The following LRRC31 variants were observed in gnomAD, a reference collection of about 807,000 sequenced individuals.
LRRC31 encodes leucine-rich repeat-containing protein 31.
LRRC31 carries 35 observed loss-of-function variants against 46.7 expected under a neutral mutation model. The ratio of observed to expected loss-of-function variants is 0.75; its 90% confidence interval spans 0.57 to 0.99. LRRC31 has a LOEUF of 0.99. Ranked by LOEUF, LRRC31 falls within the 50% of genes least tolerant of loss-of-function variation. The pLI is 0.00. For synonymous variants in LRRC31, 236 were observed against 235.1 expected, an observed-to-expected ratio of 1.00 and a Z score of -0.03; for missense variants, 613 against 626.1, an observed-to-expected ratio of 0.98 and a Z score of 0.22.
intron 2 of LRRC31, 41 bp downstream of exon 2, chr3:169,861,629 A>G (rs1781163210): frequency 1.3e-6 from 2 of 1,598,184 alleles, no homozygotes; most frequent in Admixed American, 3.4e-5. Flanking sequence ...CTCAATGGAA[A>G]GGCCCTATCT....
chr3:169,860,212 C>CT (rs1013028015), intron 3 of LRRC31, among the ~76,000 whole-genome samples: 14 of 151,504 alleles, frequency 9.2e-5, no homozygotes, highest in Non-Finnish European at 1.0e-4. Flanking sequence ...CAGCCTTGTT[C>CT]TTTTTTTTCT....
At chr3:169,847,694 A>G (rs1385767466) in intron 8 of LRRC31, among the ~76,000 whole-genome samples, 1 of 152,250 alleles carries the variant, frequency 6.6e-6, no homozygotes, top group Non-Finnish European at 1.5e-5. Context: ...GAGAAGTGAT[A>G]CCTGTATTTC....
chr3:169,846,649 A>T (rs1054500185), intron 8 of LRRC31, among the ~76,000 whole-genome samples: 3 of 137,558 alleles, frequency 2.2e-5, no homozygotes, highest in Non-Finnish European at 4.8e-5. Context: ...CTCTGTCTAA[A>T]AAAAAAAAGA....
At chr3:169,868,369 T>C (rs1351917586) in intron 1 of LRRC31, among the ~76,000 whole-genome samples, 1 of 152,236 alleles carries the variant, frequency 6.6e-6, no homozygotes, top group Non-Finnish European at 1.5e-5. Context: ...AGATTGCTGC[T>C]CAAATGCCTC....
intron 3 of LRRC31, among the ~76,000 whole-genome samples, chr3:169,858,048 G>T (rs765743141): frequency 1.8e-4 from 28 of 152,024 alleles, no homozygotes; most frequent in Non-Finnish European, 3.5e-4. Context: ...TTTGCCACTC[G>T]GTACTAAACT....
At chr3:169,841,638 A>G (rs1780451422) in intron 8 of LRRC31, among the ~76,000 whole-genome samples, 1 of 152,236 alleles carries the variant, frequency 6.6e-6, no homozygotes, top group Non-Finnish European at 1.5e-5. Flanking sequence ...CACAAAAAGT[A>G]GAGAGAATAG....
intron 1 of LRRC31, among the ~76,000 whole-genome samples, chr3:169,862,630 G>T (rs1273827598): frequency 2.0e-5 from 3 of 151,980 alleles, no homozygotes; most frequent in African/African-American, 4.8e-5. Flanking sequence ...GCGTGGTGGT[G>T]CACACCTGTA....
At chr3:169,864,105 C>T (rs1781255954) in intron 1 of LRRC31, among the ~76,000 whole-genome samples, 4 of 151,956 alleles carry the variant, frequency 2.6e-5, no homozygotes, top group Admixed American at 6.6e-5. Context: ...CTTTTTATCT[C>T]GACCTACAAT....
chr3:169,861,528 A>G (rs1781159751), intron 2 of LRRC31, 142 bp downstream of exon 2: 7 of 884,056 alleles, frequency 7.9e-6, no homozygotes, highest in Non-Finnish European at 6.8e-6. Context: ...CAAAAAAAAA[A>G]AAAAAGCGAT....
At position 169,855,429 on chromosome 3, in the gene LRRC31, C is replaced by T. The variant is rs140811248; in HGVS notation, c.824-449G>A. Among the ~76,000 whole-genome samples, 191 of 152,282 alleles carry T rather than the reference C, an allele frequency of 1.3e-3. 1 individual carries two copies. Among genetic ancestry groups the T allele is most frequent in the African/African-American group, 4.2e-3 (176 of 41,560 alleles). Reference sequence around the variant, plus strand: ...GAACCCGACCATGATTTCACACACACGCTTCCTAAGATCTGCATACATTGC... The same window carrying T: ...GAACCCGACCATGATTTCACACACATGCTTCCTAAGATCTGCATACATTGC... On this transcript the variant is annotated intron_variant, in intron 5 of 8. Coordinates refer to ENST00000316428, the MANE Select transcript of LRRC31 (RefSeq NM_024727.4).
At chr3:169,855,198 G>A (rs1044337376) in intron 5 of LRRC31, among the ~76,000 whole-genome samples, 3 of 152,102 alleles carry the variant, frequency 2.0e-5, no homozygotes, top group Admixed American at 1.3e-4. Flanking sequence ...CTGAGAGGGT[G>A]GATCACAGGG....
At position 169,842,106 on chromosome 3, in the gene LRRC31, G is replaced by A. The variant is rs142878943; in HGVS notation, c.1328-1793C>T. ...TTATTTTTTGTTTGGATTTTATAAT[G>A]TGAGCACCCTATTTTATTATATTTT... On this transcript the variant is annotated intron_variant, in intron 8 of 8. Coordinates refer to ENST00000316428, the MANE Select transcript of LRRC31 (RefSeq NM_024727.4). 6.4e-3 allele frequency among the ~76,000 whole-genome samples: 973 copies of A among 152,020 alleles called. 22 individuals are homozygous for A. In the East Asian group the frequency reaches 0.076, roughly 12 times the overall value.
At chr3:169,867,390 T>C (rs910934337) in intron 1 of LRRC31, among the ~76,000 whole-genome samples, 1 of 151,870 alleles carries the variant, frequency 6.6e-6, no homozygotes, top group Admixed American at 6.6e-5. Context: ...CCCGAGTAGC[T>C]GGGATTACAG....
chr3:169,843,255 G>A (rs2108198236), intron 8 of LRRC31, among the ~76,000 whole-genome samples: 1 of 152,288 alleles, frequency 6.6e-6, no homozygotes, highest in Non-Finnish European at 1.5e-5. Flanking sequence ...CAAGGAATGT[G>A]GCTGGCCTCT....
rs1560633061 is a variant in LRRC31, at chr3:169,861,693, GT to G, written c.295del (p.Thr99GlnfsTer5). 1 of 1,614,034 alleles carries G rather than the reference GT, an allele frequency of 6.2e-7. No individual in the cohort carries two copies. Among genetic ancestry groups the G allele is most frequent in the Admixed American group, 1.7e-5 (1 of 59,992 alleles). Reference protein sequence around the residue: ...KCLDLNNCGLTTADMKEMVAL... With the variant: ...KCLDLNNCGLXTADMKEMVAL... ...ACCCATTTCTTTCATGTCCGCTGTT[GT>G]TAATCCACAGTTATTCAAATCTAGA... On this transcript the variant is annotated frameshift_variant, in exon 2 of 9. Transcript: ENST00000316428. LOFTEE classifies it high-confidence loss of function.
chr3:169,840,123 T>C lies in LRRC31; in HGVS notation c.1518A>G (p.Leu506=), dbSNP rs1560619461. The C allele has an allele frequency of 1.2e-6, 2 of 1,614,158 alleles. No individual in the cohort carries two copies. Among genetic ancestry groups the C allele is most frequent in the East Asian group, 2.2e-5 (1 of 44,882 alleles). Reference sequence around the variant, plus strand: ...TCTGAGGAAGCTTGGTCACAGCATATAACAAGTGTCTAAACCATTGTCCAC... The same window carrying C: ...TCTGAGGAAGCTTGGTCACAGCATACAACAAGTGTCTAAACCATTGTCCAC... The part of the protein sequence containing the change: ...RDCGQWFRHL[L]YAVTKLPQIT... Residue 506 remains leucine, a synonymous_variant, in exon 9 of 9, where the codon TTA becomes TTG. Transcript: ENST00000316428.
At chr3:169,861,378 AAAAAAAG>A (rs994807231) in intron 2 of LRRC31, among the ~76,000 whole-genome samples, 39 of 147,172 alleles carry the variant, frequency 2.6e-4, no homozygotes, top group Non-Finnish European at 4.3e-4. Flanking sequence ...TTTTCTTAAA[AAAAAAAG>A]AAAAAAGAAA....
At chr3:169,854,159 C>T (rs1780871975) in intron 6 of LRRC31, among the ~76,000 whole-genome samples, 1 of 152,144 alleles carries the variant, frequency 6.6e-6, no homozygotes, top group Non-Finnish European at 1.5e-5. Context: ...ATGAGATAAC[C>T]GTGGCCTGGA....
At chr3:169,852,979 A>G (rs1412832718) in intron 6 of LRRC31, among the ~76,000 whole-genome samples, 1 of 152,236 alleles carries the variant, frequency 6.6e-6, no homozygotes, top group African/African-American at 2.4e-5. Context: ...TTGTGGGAGA[A>G]GGGAGAGAGG....
Sources: allele counts gnomAD v4.1 joint callset (sites outside exome capture counted in the v4.1 genomes callset), GRCh38; gene constraint gnomAD v4.1.1; transcripts MANE v1.5; gene names NCBI Gene and HGNC (gene_info 2026-07-23, HGNC 2026-07-21).